LAMA1: variants seen among roughly 807,000 people sequenced by gnomAD.
LAMA1 encodes laminin subunit alpha 1.
In LAMA1, 219 loss-of-function variants were observed where a neutral mutation model predicts 348.7. The observed-to-expected ratio is 0.63, with a 90% CI of 0.56 to 0.70. The LOEUF is 0.70. LAMA1 is among the 30% of genes least tolerant of loss of function. The probability of loss-of-function intolerance (pLI) is 0.00; values close to 1 mark genes in which losing one functional copy is unlikely to be tolerated. For synonymous variants in LAMA1, 1,487 were observed against 1,491.0 expected, an observed-to-expected ratio of 1.00 and a Z score of 0.06; for missense variants, 3,744 against 3,888.0, an observed-to-expected ratio of 0.96 and a Z score of 0.99.
In LAMA1 at chr18:7,097,756, C is replaced by T. The variant is rs113365147; in HGVS notation, c.62-17299G>A. 5.2e-3 allele frequency among the ~76,000 whole-genome samples: 789 copies of T among 152,148 alleles called. 9 individuals carry two copies. The highest frequency in any genetic ancestry group is 0.019 in the South Asian group (92 of 4,818). On this transcript the variant is annotated intron_variant, in intron 1 of 62. Transcript: ENST00000389658. ...GGTCATTTGATTTTTGGCAAAGGTG[C>T]GAAGGCAATTTTCAACAAATGTTGC...
In LAMA1 at chr18:7,016,350, C is replaced by T. The variant is rs28752162; in HGVS notation, c.2989+141G>A. The T allele has an allele frequency of 4.1e-5, 38 of 934,982 alleles. No individual in the cohort carries two copies. The African/African-American group carries it at 5.7e-4, about 14-fold the overall frequency. 57.9% of individuals were successfully genotyped at this position (934,982 alleles called of 1,614,324 possible). Reference sequence around the variant, plus strand: ...TTGTACCCTGATAGGGACCAGAAACCAGAAAAAAGGTATGAAATCCTCCAG... The same window carrying T: ...TTGTACCCTGATAGGGACCAGAAACTAGAAAAAAGGTATGAAATCCTCCAG... On this transcript the variant is annotated intron_variant, in intron 21 of 62. Coordinates refer to ENST00000389658, the MANE Select transcript of LAMA1 (RefSeq NM_005559.4).
chr18:6,957,153 T>A (rs781463405), intron 55 of LAMA1: 2 of 314,554 alleles, frequency 6.4e-6, no homozygotes, highest in Non-Finnish European at 1.2e-5. Context: ...CTTGTTTACG[T>A]GCTTCCCCTT....
chr18:7,072,847 G>A (rs887683899), intron 3 of LAMA1, among the ~76,000 whole-genome samples: 10 of 152,092 alleles, frequency 6.6e-5, no homozygotes, highest in Admixed American at 5.9e-4. Flanking sequence ...GCTCCCTGAC[G>A]GCGACACTAG....
rs1461644318 is a variant in LAMA1, at chr18:6,982,575, C to A, written c.5812G>T (p.Val1938Phe). 2.5e-6 allele frequency: 4 copies of A among 1,614,092 alleles called. No individual in the cohort carries two copies. The South Asian group carries it at 3.3e-5, about 13-fold the overall frequency. ...TGCACGGCCGCTTTCCCGTTAGAAA[C>A]AAGGGATTCTGAGAGCTGGAAAACA... Reference protein sequence around the residue: ...TETSLLSESLVSNGKAAVQRS... With the variant: ...TETSLLSESLFSNGKAAVQRS... The change falls in exon 41 of 63, where the codon GTT becomes TTT. Residue 1938 changes from valine to phenylalanine, a missense_variant. Coordinates refer to ENST00000389658, the MANE Select transcript of LAMA1 (RefSeq NM_005559.4).
At position 6,964,651 on chromosome 18, in the gene LAMA1, G is replaced by C; in HGVS notation, c.7337+11C>G. 6.2e-7 allele frequency: 1 copy of C among 1,614,158 alleles called. No individual in the cohort carries two copies. The highest frequency in any genetic ancestry group is 1.1e-5 in the South Asian group (1 of 91,086). On this transcript the variant is annotated intron_variant, in intron 51 of 62. Coordinates refer to ENST00000389658, the MANE Select transcript of LAMA1 (RefSeq NM_005559.4). ...AAATCAGCGACATGAAAATTCTGCA[G>C]TTTAATATACCTTACAACTCTTGAC...
At chr18:7,012,576 G>A (rs897128127) in intron 23 of LAMA1, among the ~76,000 whole-genome samples, 1 of 149,908 alleles carries the variant, frequency 6.7e-6, no homozygotes, top group Non-Finnish European at 1.5e-5. Flanking sequence ...CACAATCTTG[G>A]CTCACTGCAA....
intron 1 of LAMA1, among the ~76,000 whole-genome samples, chr18:7,097,691 T>C (rs912065876): frequency 6.6e-6 from 1 of 152,190 alleles, no homozygotes; most frequent in African/African-American, 2.4e-5. Flanking sequence ...CATAGATCAA[T>C]AGAACAAAAT....
intron 36 of LAMA1, 102 bp from the exon 37 acceptor site, chr18:6,986,449 T>C (rs2057735989): frequency 9.7e-7 from 1 of 1,030,540 alleles, no homozygotes; most frequent in Admixed American, 2.0e-5. Flanking sequence ...GCCTAGTCTC[T>C]TTTTGAAATT....
chr18:6,963,336 A>G (rs2057617269), intron 51 of LAMA1, among the ~76,000 whole-genome samples: 1 of 152,216 alleles, frequency 6.6e-6, no homozygotes, highest in African/African-American at 2.4e-5. Flanking sequence ...CCAGCATGAC[A>G]GGGCATGAAT....
chr18:7,051,196 AATTT>A (rs1225078667), intron 3 of LAMA1, among the ~76,000 whole-genome samples: 5 of 152,312 alleles, frequency 3.3e-5, no homozygotes, highest in Admixed American at 3.3e-4. Flanking sequence ...GTATACTAGA[AATTT>A]ATTTATTAAA....
Position 7,073,164 on chromosome 18 carries a change from A to G in LAMA1, c.345+6811T>C, listed in dbSNP as rs149301355. ...TTCCTCACACTAAATTTGTGCCTTT[A>G]AATGACTGGTGTGGCTTCCATATTC... On this transcript the variant is annotated intron_variant, in intron 3 of 62. Transcript: ENST00000389658. Among the ~76,000 whole-genome samples the G allele has an allele frequency of 2.4e-3, 373 of 152,290 alleles. 1 individual carries two copies. The highest frequency in any genetic ancestry group is 4.2e-3 in the Non-Finnish European group (286 of 68,036).
intron 60 of LAMA1, among the ~76,000 whole-genome samples, chr18:6,947,634 G>C (rs672528): frequency 0.1 from 15,782 of 152,186 alleles, 1,847 homozygotes; most frequent in African/African-American, 0.28. Context: ...TTGATCCCTG[G>C]AATCCCTTTA....
rs58822873 is a variant in LAMA1 at position 6,975,121 on chromosome 18, C to A, written c.6490-85G>T. 4.1e-4 allele frequency: 590 copies of A among 1,453,816 alleles called. No homozygotes were observed. In the African/African-American group the frequency reaches 7.1e-3, roughly 17 times the overall value. 90.1% of individuals were successfully genotyped at this position (1,453,816 alleles called of 1,614,324 possible). On this transcript the variant is annotated intron_variant, in intron 45 of 62. Coordinates refer to ENST00000389658, the MANE Select transcript of LAMA1 (RefSeq NM_005559.4). ...CAACACTTTACAGAGTCAATTCTTACGGGGTTTTCTCTTTTCTTAAAAATA... is the reference window on the plus strand; with the variant it reads ...CAACACTTTACAGAGTCAATTCTTAAGGGGTTTTCTCTTTTCTTAAAAATA...
At chr18:6,943,860 A>T (rs1250139029) in intron 61 of LAMA1, among the ~76,000 whole-genome samples, 1 of 151,808 alleles carries the variant, frequency 6.6e-6, no homozygotes, top group African/African-American at 2.4e-5. Context: ...AAAAAAAAAA[A>T]AAAAAGATTC....
intron 14 of LAMA1, 141 bp downstream of exon 14, chr18:7,034,338 A>G: frequency 1.4e-6 from 1 of 702,050 alleles, no homozygotes. Context: ...AAACTTAATA[A>G]TTCTTAAGAC....
At chr18:7,047,580 A>G (rs559497120) in intron 5 of LAMA1, among the ~76,000 whole-genome samples, 5 of 152,262 alleles carry the variant, frequency 3.3e-5, no homozygotes, top group African/African-American at 1.2e-4. Context: ...TTTTGCAGAA[A>G]TTAACAAACT....
At chr18:7,023,695 C>T (rs1381352356) in intron 18 of LAMA1, among the ~76,000 whole-genome samples, 1 of 152,180 alleles carries the variant, frequency 6.6e-6, no homozygotes, top group Non-Finnish European at 1.5e-5. Flanking sequence ...GAGACGCACA[C>T]ATAGGAAAGA....
intron 3 of LAMA1, among the ~76,000 whole-genome samples, chr18:7,053,117 A>G (rs552675923): frequency 1.3e-5 from 2 of 152,340 alleles, no homozygotes; most frequent in South Asian, 4.1e-4. Context: ...CAACTGTATG[A>G]CACTGTGTCA....
intron 17 of LAMA1, 129 bp downstream of exon 17, chr18:7,025,850 A>C: frequency 7.4e-7 from 1 of 1,349,966 alleles, no homozygotes; most frequent in Non-Finnish European, 1.0e-6. Flanking sequence ...CTTTAATCCA[A>C]ATCAATTGTC....
Sources: allele counts gnomAD v4.1 joint callset (sites outside exome capture counted in the v4.1 genomes callset), GRCh38; gene constraint gnomAD v4.1.1; transcripts MANE v1.5; gene names NCBI Gene and HGNC (gene_info 2026-07-23, HGNC 2026-07-21).